The following COL18A1 variants were observed in gnomAD, a reference collection of about 807,000 sequenced individuals.
COL18A1 encodes collagen type XVIII alpha 1 chain, also known as collagen alpha-1(XVIII) chain.
In COL18A1, 133 loss-of-function variants were observed where a neutral mutation model predicts 168.0. The ratio of observed to expected loss-of-function variants is 0.79; its 90% CI spans 0.69 to 0.91. COL18A1 has a LOEUF of 0.91. Ranked by LOEUF, COL18A1 falls within the 40% of genes least tolerant of loss-of-function variation. COL18A1 has a pLI of 0.00. For missense variants in COL18A1, 2,126 were observed against 1,925.4 expected (o/e 1.10, Z -1.95); for synonymous variants, 949 against 809.0 (o/e 1.17, Z -2.94).
At chr21:45,482,172 G>A in intron 14 of COL18A1, 147 bp downstream of exon 14, 1 of 678,118 alleles carries the variant, frequency 1.5e-6, no homozygotes, top group East Asian at 2.7e-5. Flanking sequence ...TCGCGCTCTG[G>A]AGGTCACCCT....
chr21:45,437,254 ACACT>A (rs1319057989), intron 2 of COL18A1, among the ~76,000 whole-genome samples: 18 of 106,382 alleles, frequency 1.7e-4, no homozygotes, highest in Non-Finnish European at 2.4e-4. Context: ...GTACACACAC[ACACT>A]CACACACTCA....
intron 2 of COL18A1, among the ~76,000 whole-genome samples, chr21:45,448,266 TTCTC>T (rs57432872): frequency 0.054 from 8,130 of 151,692 alleles, 243 homozygotes; most frequent in African/African-American, 0.061. Flanking sequence ...GGCACTCCCT[TTCTC>T]TCCATCTGTG....
rs2034802450 is a variant in COL18A1, at chr21:45,456,183, C to T, written c.107-12059C>T. The T allele has an allele frequency of 6.3e-7, 1 of 1,596,362 alleles. No individual in the cohort carries two copies. The highest frequency in any genetic ancestry group is 1.3e-5 in the African/African-American group (1 of 74,698). ...GTGCCACCACCATCTTCAGGTAGAG[C>T]TTCTCTCTCCTCCTTGCTGGGCGGG... On this transcript the variant is annotated intron_variant, in intron 2 of 41. Transcript: ENST00000651438.
chr21:45,476,461 C>A lies in COL18A1; in HGVS notation c.909C>A (p.Thr303=), dbSNP rs1248911867. The part of the protein sequence containing the change: ...DSRSEEVEEQ[T]TVASLGAQTL... ...GAAGTGAAGAAGTCGAGGAGCAGAC[C>A]ACGGTGGCTTCGTTAGGAGGTAAGC... Residue 303 remains threonine, a synonymous_variant, in exon 6 of 42, where the codon ACC becomes ACA. Coordinates refer to ENST00000651438, the MANE Select transcript of COL18A1 (RefSeq NM_001379500.1). 2 of 1,612,188 alleles carry A rather than the reference C, an allele frequency of 1.2e-6. No homozygotes were observed. The highest frequency in any genetic ancestry group is 1.7e-6 in the Non-Finnish European group (2 of 1,179,214).
chr21:45,467,048 G>A (rs906658344), intron 2 of COL18A1, among the ~76,000 whole-genome samples: 3 of 152,228 alleles, frequency 2.0e-5, no homozygotes, highest in Admixed American at 2.0e-4. Flanking sequence ...GGATGTGACC[G>A]CTGGCCCCCA....
Position 45,509,351 on chromosome 21 carries a change from T to C in COL18A1, c.3250-5T>C. 6.5e-7 allele frequency: 1 copy of C among 1,545,676 alleles called. No individual in the cohort carries two copies. On this transcript the variant is annotated splice_polypyrimidine_tract_variant and splice_region_variant and intron_variant, in intron 38 of 41. Transcript: ENST00000651438. ...GCCGACAGGCCCCACGTCTCCCACC[T>C]GCAGGACAATGAAGTGGCCGCCTTG...
chr21:45,489,378 G>C, intron 18 of COL18A1, 108 bp from the exon 19 acceptor site: 1 of 827,224 alleles, frequency 1.2e-6, no homozygotes. Flanking sequence ...GGGGGAGGGC[G>C]GTGAGATGCA....
chr21:45,510,007 GCC>G, intron 39 of COL18A1, 55 bp from the exon 40 acceptor site: 1 of 1,522,180 alleles, frequency 6.6e-7, no homozygotes, highest in South Asian at 1.2e-5. Context: ...TGCGCCCGGG[GCC>G]TGGGTGCAGG....
chr21:45,473,846 C>T lies in COL18A1; in HGVS notation c.652-49C>T, dbSNP rs1199881890. 1.3e-6 allele frequency: 2 copies of T among 1,483,064 alleles called. No homozygotes were observed. Among genetic ancestry groups the T allele is most frequent in the Non-Finnish European group, 1.8e-6 (2 of 1,084,106 alleles). The allele number at this position is 1,483,064 out of a possible 1,614,324, so 91.9% of individuals were successfully genotyped here. ...GGAGCTCAAGCAGCACCGGGGTTGC[C>T]ACTGCCACCTCAGGACCGCTGGTGA... On this transcript the variant is annotated intron_variant, in intron 3 of 41. Coordinates refer to ENST00000651438, the MANE Select transcript of COL18A1 (RefSeq NM_001379500.1). The surrounding 1 kb of genome is among the most constrained non-coding windows in gnomAD (Gnocchi z 4.0).
chr21:45,406,936 G>C lies in COL18A1; in HGVS notation c.106+1463G>C, dbSNP rs560139633. ...TTACGGTTGGCCAAATGGGCTGTGC[G>C]TTCCTCTTCTGTCCCGGGCCTGCCC... On this transcript the variant is annotated intron_variant, in intron 2 of 41. Coordinates refer to ENST00000651438, the MANE Select transcript of COL18A1 (RefSeq NM_001379500.1). 3.2e-4 allele frequency among the ~76,000 whole-genome samples: 49 copies of C among 152,394 alleles called. No individual in the cohort carries two copies. The South Asian group carries it at 7.2e-3, about 23-fold the overall frequency.
At chr21:45,446,475 A>G (rs1472008773) in intron 2 of COL18A1, among the ~76,000 whole-genome samples, 1 of 152,388 alleles carries the variant, frequency 6.6e-6, no homozygotes. Flanking sequence ...GACAATGTGA[A>G]TAGATATATA....
rs183839953 is a variant in COL18A1 at position 45,457,012 on chromosome 21, G to A, written c.107-11230G>A. 877 of 736,462 alleles carry A rather than the reference G, an allele frequency of 1.2e-3. 9 individuals carry two copies. The East Asian group carries it at 0.026, about 22-fold the overall frequency. The allele number at this position is 736,462 out of a possible 1,614,324, so 45.6% of individuals were successfully genotyped here. ...CTACGTTCAGGGGCCCGTGGCCCTCGGGAGGTGGGAGAGCTGGGAGTGAGG... is the reference window on the plus strand; with the variant it reads ...CTACGTTCAGGGGCCCGTGGCCCTCAGGAGGTGGGAGAGCTGGGAGTGAGG... On this transcript the variant is annotated intron_variant, in intron 2 of 41. Transcript: ENST00000651438. The surrounding 1 kb of genome is among the most constrained non-coding windows in gnomAD (Gnocchi z 4.6).
rs1192554844 is a variant in COL18A1, at chr21:45,506,145, G to A, written c.3216+179G>A. 4.3e-6 allele frequency: 4 copies of A among 939,582 alleles called. No homozygotes were observed. The Admixed American group carries it at 6.7e-5, about 16-fold the overall frequency. 58.2% of individuals were successfully genotyped at this position (939,582 alleles called of 1,614,324 possible). A position where few individuals can be genotyped will look rare whatever the true frequency, so the allele number is the denominator to read the frequency against. ...AAAATACTTTTGTGAGCAGTTTTGG[G>A]TTTAAAGAAAAGTGAGCTCAAGCTT... On this transcript the variant is annotated intron_variant, in intron 37 of 41. Transcript: ENST00000651438.
rs752927034 is a variant in COL18A1, at chr21:45,496,360, C to G, written c.2509-140C>G. ...TCAGGGAGCCGTGGCCCGAGTGACC[C>G]ACTGCATTCTCGGTTTTGCCTGGTC... On this transcript the variant is annotated intron_variant, in intron 29 of 41. Coordinates refer to ENST00000651438, the MANE Select transcript of COL18A1 (RefSeq NM_001379500.1). The G allele has an allele frequency of 3.6e-5, 27 of 745,030 alleles. 1 individual carries two copies. The South Asian group carries it at 3.8e-4, about 11-fold the overall frequency. 46.2% of individuals were successfully genotyped at this position (745,030 alleles called of 1,614,324 possible).
chr21:45,482,393 G>A (rs773229613), intron 14 of COL18A1: 3 of 634,122 alleles, frequency 4.7e-6, no homozygotes, highest in East Asian at 6.3e-5. Flanking sequence ...GGAGTCGCCT[G>A]CGTCTGGCCC....
At chr21:45,454,246 C>T (rs2034724500) in intron 2 of COL18A1, among the ~76,000 whole-genome samples, 1 of 152,160 alleles carries the variant, frequency 6.6e-6, no homozygotes, top group Non-Finnish European at 1.5e-5. Context: ...AGCAGCCCAG[C>T]CCTGCCCTGT....
At chr21:45,504,344 C>CG (rs2037051734) in intron 33 of COL18A1, 72 bp from the exon 34 acceptor site, 6 of 1,499,564 alleles carry the variant, frequency 4.0e-6, no homozygotes, top group Non-Finnish European at 4.6e-6. Context: ...AGCCCTGGCT[C>CG]GGGGGGATGG....
chr21:45,427,902 C>T (rs74959733), intron 2 of COL18A1, among the ~76,000 whole-genome samples: 5,855 of 152,222 alleles, frequency 0.038, 145 homozygotes, highest in East Asian at 0.091. Flanking sequence ...CTCATACACC[C>T]GGGGCCTGGA....
chr21:45,448,815 A>T (rs1486452686), intron 2 of COL18A1, among the ~76,000 whole-genome samples: 1 of 152,214 alleles, frequency 6.6e-6, no homozygotes, highest in Non-Finnish European at 1.5e-5. Flanking sequence ...CACGTGTTGC[A>T]TTAGTGTCCT....
Sources: allele counts gnomAD v4.1 joint callset (sites outside exome capture counted in the v4.1 genomes callset), GRCh38; gene constraint gnomAD v4.1.1; non-coding constraint Gnocchi (gnomAD v3.1); transcripts MANE v1.5; gene names NCBI Gene and HGNC (gene_info 2026-07-23, HGNC 2026-07-21).